The following ADGRA3 variants were observed in gnomAD, a reference collection of about 807,000 sequenced individuals.
The protein encoded by ADGRA3 is G-protein coupled receptor 125.
ADGRA3 carries 56 observed loss-of-function variants against 119.8 expected under a neutral mutation model. That is an observed-to-expected ratio of 0.47 (90% CI 0.38 to 0.58). ADGRA3 has a LOEUF of 0.58. Ranked by LOEUF, ADGRA3 falls within the 20% of genes least tolerant of loss-of-function variation. The probability of loss-of-function intolerance (pLI) is 0.00; values close to 1 mark genes in which losing one functional copy is unlikely to be tolerated. For synonymous variants in ADGRA3, 607 were observed against 623.8 expected, an observed-to-expected ratio of 0.97 and a Z score of 0.40; for missense variants, 1,516 against 1,649.0, an observed-to-expected ratio of 0.92 and a Z score of 1.40.
At chr4:22,447,037 T>TGGG (rs10717833) in intron 5 of ADGRA3, among the ~76,000 whole-genome samples, 2 of 151,778 alleles carry the variant, frequency 1.3e-5, no homozygotes, top group African/African-American at 4.9e-5. Flanking sequence ...TGATTTTAAG[T>TGGG]GGGGGGGGGG....
chr4:22,488,591 G>C (rs1414609300), intron 1 of ADGRA3, among the ~76,000 whole-genome samples: 3 of 148,200 alleles, frequency 2.0e-5, no homozygotes, highest in Admixed American at 1.4e-4. Context: ...AGAAAAGCAT[G>C]GCTACTTCGG....
intron 6 of ADGRA3, among the ~76,000 whole-genome samples, chr4:22,444,648 C>A (rs1435754081): frequency 6.6e-6 from 1 of 152,116 alleles, no homozygotes; most frequent in African/African-American, 2.4e-5. Context: ...AGGATGTGGG[C>A]ATCCTGAGAT....
In ADGRA3 at chr4:22,440,861, G is replaced by C. The variant is rs182909879; in HGVS notation, c.920+1789C>G. On this transcript the variant is annotated intron_variant, in intron 7 of 18. Coordinates refer to ENST00000334304, the MANE Select transcript of ADGRA3 (RefSeq NM_145290.4). ...AAATTATCGCTACAGTAAAACTAGT[G>C]TAACAATGAATATATCATTTCGAAC... 4.6e-5 allele frequency among the ~76,000 whole-genome samples: 7 copies of C among 152,288 alleles called. No homozygotes were observed. In the East Asian group the frequency reaches 1.4e-3, roughly 29 times the overall value.
chr4:22,469,618 A>C (rs1406019009), intron 2 of ADGRA3, among the ~76,000 whole-genome samples: 1 of 152,162 alleles, frequency 6.6e-6, no homozygotes, highest in South Asian at 2.1e-4. Context: ...GCCATCTCAA[A>C]AGTCAACCTA....
Position 22,388,084 on chromosome 4 carries a change from G to A in ADGRA3, c.3587C>T (p.Thr1196Met), listed in dbSNP as rs61729361. 2.1e-4 allele frequency: 331 copies of A among 1,614,010 alleles called. No homozygotes were observed. Among genetic ancestry groups the A allele is most frequent in the Non-Finnish European group, 2.7e-4 (319 of 1,180,008 alleles). The change falls in exon 19 of 19, where the codon ACG becomes ATG. Residue 1196 changes from threonine to methionine, a missense_variant. Physicochemically the swap from Thr to Met is moderately conservative, Grantham distance 81. Coordinates refer to ENST00000334304, the MANE Select transcript of ADGRA3 (RefSeq NM_145290.4). The part of the protein sequence containing the change: ...VLREYAYDVP[T>M]SVEGSVQNGL... ...GTTCTGCACGCTTCCTTCCACGCTCGTTGGGACATCGTAGGCATATTCTCT... is the reference window on the plus strand; with the variant it reads ...GTTCTGCACGCTTCCTTCCACGCTCATTGGGACATCGTAGGCATATTCTCT...
chr4:22,389,501 CT>C (rs529490358), intron 17 of ADGRA3, among the ~76,000 whole-genome samples: 361 of 143,370 alleles, frequency 2.5e-3, no homozygotes, highest in Middle Eastern at 3.7e-3. Flanking sequence ...CTTACTCTTA[CT>C]TTTTTTTTTT....
Position 22,435,322 on chromosome 4 carries a change from T to C in ADGRA3, c.1432A>G (p.Lys478Glu). 1.2e-6 allele frequency: 2 copies of C among 1,612,898 alleles called. No homozygotes were observed. Among genetic ancestry groups the C allele is most frequent in the Non-Finnish European group, 1.7e-6 (2 of 1,179,008 alleles). ...EKFGRFTKEE[K>E]SKELGDVMVD... ...ATTTAGAGAAGTACCTCTTTTGATT[T>C]TTCCTCCTTGGTAAATCTTCCAAAT... Residue 478 changes from lysine to glutamate, a missense_variant, in exon 10 of 19, where the codon AAA becomes GAA. Lys to Glu is a moderately conservative substitution (Grantham distance 56). Transcript: ENST00000334304.
intron 1 of ADGRA3, chr4:22,515,202 C>T: frequency 5.1e-6 from 1 of 197,964 alleles, no homozygotes; most frequent in Non-Finnish European, 1.0e-5. Flanking sequence ...TGAGCTTTAA[C>T]TCTGTTGACT....
intron 1 of ADGRA3, chr4:22,478,128 A>G (rs1240607718): frequency 1.3e-5 from 2 of 152,206 alleles, no homozygotes; most frequent in Non-Finnish European, 2.9e-5. Flanking sequence ...TAGGAACGCT[A>G]CTTGGAGCTC....
At chr4:22,401,148 A>G (rs951189102) in intron 16 of ADGRA3, among the ~76,000 whole-genome samples, 10 of 152,188 alleles carry the variant, frequency 6.6e-5, no homozygotes, top group African/African-American at 2.4e-4. Flanking sequence ...TCAGAATTTC[A>G]TACATTTTAA....
At chr4:22,486,125 C>T (rs949647326) in intron 1 of ADGRA3, among the ~76,000 whole-genome samples, 1 of 152,180 alleles carries the variant, frequency 6.6e-6, no homozygotes, top group East Asian at 1.9e-4. Flanking sequence ...TATTCCACAA[C>T]GTCCTCAATG....
intron 4 of ADGRA3, among the ~76,000 whole-genome samples, chr4:22,449,890 T>A (rs1310840791): frequency 1.3e-5 from 2 of 151,536 alleles, no homozygotes; most frequent in Non-Finnish European, 2.9e-5. Context: ...AACCACTAGG[T>A]TCTAATATGC....
At chr4:22,434,517 C>T (rs1403626548) in intron 10 of ADGRA3, among the ~76,000 whole-genome samples, 1 of 152,078 alleles carries the variant, frequency 6.6e-6, no homozygotes, top group Non-Finnish European at 1.5e-5. Flanking sequence ...CTAACCTAAG[C>T]GTGGGCTTCA....
chr4:22,390,877 C>G (rs1187863118), intron 17 of ADGRA3, among the ~76,000 whole-genome samples: 1 of 152,034 alleles, frequency 6.6e-6, no homozygotes, highest in African/African-American at 2.4e-5. Flanking sequence ...TTAAGATTCC[C>G]AAGTTTCTAA....
At position 22,429,072 on chromosome 4, in the gene ADGRA3, T is replaced by C. The variant is rs185367679; in HGVS notation, c.1444-4720A>G. ...TTCAGGAGAGATGATGTGTCTACCA[T>C]CAGGTCTCATGCTTGATCCTCATAA... On this transcript the variant is annotated intron_variant, in intron 10 of 18. Coordinates refer to ENST00000334304, the MANE Select transcript of ADGRA3 (RefSeq NM_145290.4). Among the ~76,000 whole-genome samples, 110 of 152,210 alleles carry C rather than the reference T, an allele frequency of 7.2e-4. 1 individual carries two copies. The highest frequency in any genetic ancestry group is 2.6e-3 in the African/African-American group (106 of 41,526).
intron 1 of ADGRA3, among the ~76,000 whole-genome samples, chr4:22,506,123 A>C (rs1013938350): frequency 1.3e-5 from 2 of 152,210 alleles, no homozygotes; most frequent in Non-Finnish European, 2.9e-5. Flanking sequence ...GAACAAAAAA[A>C]CCAGGGGTGC....
intron 1 of ADGRA3, among the ~76,000 whole-genome samples, chr4:22,502,458 G>C (rs925238093): frequency 1.3e-5 from 2 of 152,178 alleles, no homozygotes; most frequent in South Asian, 4.1e-4. Context: ...ATGCTAGACA[G>C]CAATAGGCTG....
chr4:22,481,932 C>G (rs1312209497), intron 1 of ADGRA3, among the ~76,000 whole-genome samples: 1 of 152,212 alleles, frequency 6.6e-6, no homozygotes, highest in African/African-American at 2.4e-5. Flanking sequence ...TCTCAAAATT[C>G]TCCATCCATT....
intron 1 of ADGRA3, among the ~76,000 whole-genome samples, chr4:22,475,545 G>A (rs985247812): frequency 1.3e-5 from 2 of 152,052 alleles, no homozygotes; most frequent in African/African-American, 4.8e-5. Flanking sequence ...GGCTAAAACG[G>A]TGAAACCCCG....
Sources: gnomAD v4.1 joint callset for allele counts (sites outside exome capture counted in the v4.1 genomes callset) on GRCh38, gnomAD v4.1.1 for gene constraint, MANE v1.5 for transcripts, NCBI Gene and HGNC (gene_info 2026-07-23, HGNC 2026-07-21) for gene names.